LNX1: variants seen among roughly 807,000 people sequenced by gnomAD.
LNX1 encodes ligand of numb-protein X 1, also known as E3 ubiquitin-protein ligase LNX.
Under a neutral mutation model 68.4 loss-of-function variants are expected in LNX1, and 54 were observed. The observed-to-expected ratio is 0.79, with a 90% CI of 0.63 to 0.99. The LOEUF (loss-of-function observed/expected upper bound fraction) is 0.99, where lower values mean the gene tolerates loss of function less well. LNX1 is among the 50% of genes least tolerant of loss of function. The pLI is 0.00. For missense variants in LNX1, 906 were observed against 926.4 expected (o/e 0.98, Z 0.29); for synonymous variants, 336 against 350.0 (o/e 0.96, Z 0.45).
At chr4:53,553,447 C>T (rs1434890763) in intron 2 of LNX1, among the ~76,000 whole-genome samples, 1 of 152,178 alleles carries the variant, frequency 6.6e-6, no homozygotes, top group Non-Finnish European at 1.5e-5. Context: ...TGAAAACAAA[C>T]TCCACCCCTA....
At chr4:53,523,737 T>C (rs1205914108) in intron 2 of LNX1, among the ~76,000 whole-genome samples, 1 of 152,226 alleles carries the variant, frequency 6.6e-6, no homozygotes, top group Non-Finnish European at 1.5e-5. Context: ...CAGACCCAGA[T>C]GCATTGTAGA....
rs551187901 is a variant in LNX1, at chr4:53,610,061, C to T, written c.-215+6456G>A. Reference sequence around the variant, plus strand: ...GTCTTTACTTTTAACCTCTGTGTCACGCTGCTTCCCAACACAGTAAATAAA... The same window carrying T: ...GTCTTTACTTTTAACCTCTGTGTCATGCTGCTTCCCAACACAGTAAATAAA... On this transcript the variant is annotated intron_variant, in intron 2 of 3. Transcript: ENST00000504299. Among the ~76,000 whole-genome samples, 5 of 151,882 alleles carry T rather than the reference C, an allele frequency of 3.3e-5. No homozygotes were observed. The South Asian group carries it at 8.3e-4, about 25-fold the overall frequency.
chr4:53,650,245 T>C (rs940455090), intron 1 of LNX1, among the ~76,000 whole-genome samples: 2 of 152,114 alleles, frequency 1.3e-5, no homozygotes, highest in African/African-American at 2.4e-5. Flanking sequence ...ATACATTACA[T>C]AGGGCTGAGC....
intron 1 of LNX1, among the ~76,000 whole-genome samples, chr4:53,574,790 G>T (rs1372434187): frequency 6.6e-6 from 1 of 152,188 alleles, no homozygotes; most frequent in Admixed American, 6.5e-5. Flanking sequence ...AGGATGAAAT[G>T]AGATATGATA....
rs1396037484 is a variant in LNX1, at chr4:53,498,747, A to C, written c.872T>G (p.Val291Gly). The C allele has an allele frequency of 1.4e-5, 22 of 1,613,938 alleles. No individual in the cohort carries two copies. Among genetic ancestry groups the C allele is most frequent in the Non-Finnish European group, 1.8e-5 (21 of 1,179,798 alleles). Residue 291 changes from valine to glycine, a missense_variant, in exon 5 of 11, where the codon GTG becomes GGG. Transcript: ENST00000263925. ...DPSESLSIRL[V>G]GGSETPLVHI... Reference sequence around the variant, plus strand: ...GACCAGTGGGGTTTCGCTACCTCCCACCAGCCTAATAGAGAGGCTTTCACT... The same window carrying C: ...GACCAGTGGGGTTTCGCTACCTCCCCCCAGCCTAATAGAGAGGCTTTCACT...
At chr4:53,478,973 AT>A (rs1228663278) in intron 7 of LNX1, among the ~76,000 whole-genome samples, 3 of 152,260 alleles carry the variant, frequency 2.0e-5, no homozygotes, top group Non-Finnish European at 4.4e-5. Flanking sequence ...ATTGTCCCAA[AT>A]TCTACAGGTT....
chr4:53,474,589 T>C (rs1318484256), intron 9 of LNX1, among the ~76,000 whole-genome samples: 4 of 152,230 alleles, frequency 2.6e-5, no homozygotes, highest in Non-Finnish European at 5.9e-5. Context: ...TTTTGTTCTC[T>C]TTACATTCTT....
chr4:53,626,678 C>T (rs992132815), intron 1 of LNX1, among the ~76,000 whole-genome samples: 20 of 152,084 alleles, frequency 1.3e-4, no homozygotes, highest in Non-Finnish European at 2.5e-4. Context: ...TATTTCTTTA[C>T]GTTGCTCTTT....
intron 1 of LNX1, among the ~76,000 whole-genome samples, chr4:53,650,286 C>T (rs146963285): frequency 2.0e-4 from 31 of 152,314 alleles, no homozygotes; most frequent in African/African-American, 7.2e-4. Context: ...GTGTGGAGGA[C>T]ATACGGTAGC....
intron 1 of LNX1, among the ~76,000 whole-genome samples, chr4:53,635,579 C>T (rs969835429): frequency 6.6e-6 from 1 of 152,026 alleles, no homozygotes; most frequent in Non-Finnish European, 1.5e-5. Context: ...GTTATTAGCT[C>T]TGTTTTATGC....
At chr4:53,626,757 G>C (rs1734089599) in intron 1 of LNX1, among the ~76,000 whole-genome samples, 1 of 151,940 alleles carries the variant, frequency 6.6e-6, no homozygotes, top group South Asian at 2.1e-4. Context: ...GTGATCCAAG[G>C]AAAGCTCCAG....
At chr4:53,525,389 G>A (rs936587801) in intron 2 of LNX1, among the ~76,000 whole-genome samples, 1 of 152,182 alleles carries the variant, frequency 6.6e-6, no homozygotes, top group Admixed American at 6.5e-5. Context: ...GGTTGAGGCA[G>A]GAGAATCGCT....
At chr4:53,608,398 C>T (rs1311920946) in intron 2 of LNX1, among the ~76,000 whole-genome samples, 4 of 152,144 alleles carry the variant, frequency 2.6e-5, no homozygotes, top group Non-Finnish European at 5.9e-5. Context: ...AAATGCAAAT[C>T]AAAGCCACAA....
At position 53,562,933 on chromosome 4, in the gene LNX1, T is replaced by C. The variant is rs190221857; in HGVS notation, c.380+10690A>G. The stretch of plus-strand genomic sequence containing the variant: ...CAATTAAAAAAATAAAATTTGGGCC[T>C]GGCACAATGGCTCAAGCCCGTAATC... On this transcript the variant is annotated intron_variant, in intron 2 of 10. Coordinates refer to ENST00000263925, the MANE Select transcript of LNX1 (RefSeq NM_001126328.3). 2.6e-3 allele frequency among the ~76,000 whole-genome samples: 393 copies of C among 152,246 alleles called. 3 individuals are homozygous for C. The highest frequency in any genetic ancestry group is 2.6e-3 in the Non-Finnish European group (177 of 68,016).
At chr4:53,538,842 G>GA (rs1376398488) in intron 2 of LNX1, among the ~76,000 whole-genome samples, 54 of 151,962 alleles carry the variant, frequency 3.6e-4, no homozygotes, top group East Asian at 1.9e-4. Flanking sequence ...CTTTTGGGGA[G>GA]AAAAAAAATA....
chr4:53,585,197 G>GT (rs1264461513), intron 1 of LNX1, among the ~76,000 whole-genome samples: 1 of 152,160 alleles, frequency 6.6e-6, no homozygotes, highest in African/African-American at 2.4e-5. Flanking sequence ...GGTTTTTACT[G>GT]TTTTGTCTTA....
At chr4:53,501,712 A>T (rs939697052) in intron 4 of LNX1, 3 of 152,216 alleles carry the variant, frequency 2.0e-5, no homozygotes, top group African/African-American at 7.2e-5. Flanking sequence ...AAACCATGCC[A>T]GGAAGCTAAC....
rs1456406649 is a variant in LNX1 at position 53,476,956 on chromosome 4, C to A, written c.1689G>T (p.Gly563=). The A allele has an allele frequency of 1.9e-6, 3 of 1,614,060 alleles. No homozygotes were observed. The highest frequency in any genetic ancestry group is 2.2e-5 in the South Asian group (2 of 91,082). The change falls in exon 9 of 11, where the codon GGG becomes GGT. Residue 563 remains glycine (G), a synonymous_variant. Coordinates refer to ENST00000263925, the MANE Select transcript of LNX1 (RefSeq NM_001126328.3). ...TCCGGCTGACCTCTGTCAGTTCGAC[C>A]CCATCCACATTCAACAAAATGTCAC... is the stretch of plus-strand genomic sequence containing the variant. ...KTGDILLNVD[G]VELTEVSRSE...
chr4:53,516,977 C>T (rs1466556942), intron 2 of LNX1, among the ~76,000 whole-genome samples: 2 of 152,188 alleles, frequency 1.3e-5, no homozygotes, highest in Non-Finnish European at 1.5e-5. Context: ...CTGCCAGTCA[C>T]ACTCTTTGGA....
Sources: gnomAD v4.1 joint callset for allele counts (sites outside exome capture counted in the v4.1 genomes callset) on GRCh38, gnomAD v4.1.1 for gene constraint, MANE v1.5 for transcripts, NCBI Gene and HGNC (gene_info 2026-07-23, HGNC 2026-07-21) for gene names.